STARD13: variants seen among roughly 807,000 people sequenced by gnomAD.
STARD13 encodes the protein StAR related lipid transfer domain containing 13.
In STARD13, 62 loss-of-function variants were observed where a neutral mutation model predicts 106.4. The ratio of observed to expected loss-of-function variants is 0.58; its 90% CI spans 0.48 to 0.72. The LOEUF is 0.72. Among genes scored for constraint, STARD13 ranks in the 30% least tolerant of loss-of-function variants. The pLI is 0.00. For missense variants in STARD13, 1,387 were observed against 1,424.0 expected, an observed-to-expected ratio of 0.97 and a Z score of 0.42; for synonymous variants, 565 against 553.0, an observed-to-expected ratio of 1.02 and a Z score of -0.31.
At chr13:33,498,794 T>C in the STARD13 span, among the ~76,000 whole-genome samples, 1 of 152,218 alleles carries the variant, frequency 6.6e-6, no homozygotes, top group African/African-American at 2.4e-5. Flanking sequence ...ATATTGCATA[T>C]TTGCATATGC....
the STARD13 span, among the ~76,000 whole-genome samples, chr13:33,397,451 C>A: frequency 6.6e-6 from 1 of 152,166 alleles, no homozygotes; most frequent in Admixed American, 6.5e-5. Flanking sequence ...ACTGTGGCTT[C>A]TGCTGTTGCC....
the STARD13 span, among the ~76,000 whole-genome samples, chr13:33,455,836 C>T: frequency 6.6e-6 from 1 of 151,908 alleles, no homozygotes; most frequent in African/African-American, 2.4e-5. Context: ...CCCAGCTACT[C>T]GGGAGGCTGA....
At position 33,250,437 on chromosome 13, in the gene STARD13, C is replaced by T. The variant is rs931928172; in HGVS notation, c.169+35033G>A. On this transcript the variant is annotated intron_variant, in intron 1 of 13. Coordinates refer to ENST00000336934, the MANE Select transcript of STARD13 (RefSeq NM_178006.4). ...AAAAACAGTATTCACTGTCTTGTAA[C>T]CAATGTCTCCCTTAAAACAAGAAAG... Among the ~76,000 whole-genome samples, 11 of 152,328 alleles carry T rather than the reference C, an allele frequency of 7.2e-5. No individual in the cohort carries two copies. In the Middle Eastern group the frequency reaches 0.01, roughly 141 times the overall value.
intron 1 of STARD13, among the ~76,000 whole-genome samples, chr13:33,189,989 C>T (rs930304807): frequency 1.3e-5 from 2 of 151,846 alleles, no homozygotes; most frequent in African/African-American, 4.8e-5. Flanking sequence ...CTTCCTGATC[C>T]CCTTTTGGGA....
chr13:33,209,459 C>CTTTTT (rs59609576), intron 1 of STARD13, among the ~76,000 whole-genome samples: 1,682 of 148,992 alleles, frequency 0.011, 19 homozygotes, highest in African/African-American at 0.034. Context: ...CTCTCTCTCT[C>CTTTTT]TTTTTTTTTT....
At chr13:33,349,427 T>C (rs1397679292) in intron 1 of STARD13, among the ~76,000 whole-genome samples, 1 of 152,160 alleles carries the variant, frequency 6.6e-6, no homozygotes, top group Admixed American at 6.5e-5. Context: ...GTGACTAAAG[T>C]GTCCTAAAGC....
At chr13:33,213,119 G>GT (rs1388290112) in intron 1 of STARD13, among the ~76,000 whole-genome samples, 3 of 152,182 alleles carry the variant, frequency 2.0e-5, no homozygotes, top group African/African-American at 7.2e-5. Flanking sequence ...ACAATGAACT[G>GT]TAACAGTAAT....
chr13:33,155,778 C>T (rs571554096), intron 3 of STARD13, among the ~76,000 whole-genome samples: 58 of 152,174 alleles, frequency 3.8e-4, no homozygotes, highest in Non-Finnish European at 6.3e-4. Flanking sequence ...AGGCAGACAG[C>T]TAGCCAGAGA....
chr13:33,544,543 C>T, the STARD13 span, among the ~76,000 whole-genome samples: 1 of 152,160 alleles, frequency 6.6e-6, no homozygotes, highest in Non-Finnish European at 1.5e-5. Context: ...GTTTTCTGGT[C>T]TCAGTTTTAT....
At chr13:33,209,355 C>T (rs1436722046) in intron 1 of STARD13, among the ~76,000 whole-genome samples, 2 of 152,096 alleles carry the variant, frequency 1.3e-5, no homozygotes, top group Non-Finnish European at 2.9e-5. Flanking sequence ...TGGAAAGGAA[C>T]AAACAGCAAC....
chr13:33,155,520 G>A (rs946121740), intron 3 of STARD13: 6 of 151,926 alleles, frequency 3.9e-5, no homozygotes, highest in African/African-American at 1.5e-4. Context: ...AGAATATAAA[G>A]TCTCTCTCTT....
chr13:33,349,820 A>C (rs892863745), intron 1 of STARD13, among the ~76,000 whole-genome samples: 2 of 152,180 alleles, frequency 1.3e-5, no homozygotes, highest in Non-Finnish European at 2.9e-5. Context: ...GGCGCTTCGG[A>C]CGTGCTCCTT....
the STARD13 span, among the ~76,000 whole-genome samples, chr13:33,414,892 A>C: frequency 6.6e-6 from 1 of 152,192 alleles, no homozygotes; most frequent in Admixed American, 6.5e-5. Flanking sequence ...CTTCCATTTC[A>C]TCAAGAGCAA....
intron 1 of STARD13, among the ~76,000 whole-genome samples, chr13:33,312,870 A>C (rs970145755): frequency 6.6e-6 from 1 of 152,220 alleles, no homozygotes; most frequent in Non-Finnish European, 1.5e-5. Flanking sequence ...AAATTCCATA[A>C]AGCACGGTCC....
the STARD13 span, among the ~76,000 whole-genome samples, chr13:33,364,821 G>A: frequency 1.3e-5 from 2 of 152,156 alleles, no homozygotes; most frequent in Admixed American, 1.3e-4. Context: ...CCCGGGAGGC[G>A]GAGCTTGCAG....
chr13:33,505,522 A>T, the STARD13 span, among the ~76,000 whole-genome samples: 2 of 152,288 alleles, frequency 1.3e-5, no homozygotes, highest in East Asian at 3.9e-4. Context: ...CATTAATATT[A>T]TCCTTTTAAA....
intron 1 of STARD13, among the ~76,000 whole-genome samples, chr13:33,170,296 C>T (rs1275494499): frequency 2.0e-5 from 3 of 152,074 alleles, no homozygotes; most frequent in Non-Finnish European, 4.4e-5. Flanking sequence ...CTTACTATGT[C>T]CCCACAAAAA....
In STARD13 at chr13:33,320,357, T is replaced by G. The variant is rs76303396; in HGVS notation, c.124+29933A>C. Among the ~76,000 whole-genome samples the G allele has an allele frequency of 4.8e-3, 730 of 152,294 alleles. 6 individuals carry two copies. The highest frequency in any genetic ancestry group is 0.016 in the African/African-American group (683 of 41,564). On this transcript the variant is annotated intron_variant, in intron 1 of 5. Transcript: ENST00000567873. ...ACACTCCAGGATTCCAGGGGACTGT[T>G]CTGACATCAAGGCATTGCAGGGTCT... is the stretch of plus-strand genomic sequence containing the variant.
chr13:33,472,225 A>G, the STARD13 span, among the ~76,000 whole-genome samples: 2 of 151,864 alleles, frequency 1.3e-5, no homozygotes, highest in Non-Finnish European at 1.5e-5. Flanking sequence ...GGGTTTATAT[A>G]TTTCTGGGGT....
Sources: allele counts gnomAD v4.1 joint callset (sites outside exome capture counted in the v4.1 genomes callset), GRCh38; gene constraint gnomAD v4.1.1; transcripts MANE v1.5; gene names NCBI Gene and HGNC (gene_info 2026-07-23, HGNC 2026-07-21).